The following SNTG2 variants were observed in gnomAD, a reference collection of about 807,000 sequenced individuals.
SNTG2 encodes the protein syntrophin gamma 2, also known as gamma-2-syntrophin.
Under a neutral mutation model 70.9 loss-of-function variants are expected in SNTG2, and 74 were observed. The ratio of observed to expected loss-of-function variants is 1.04; its 90% confidence interval spans 0.86 to 1.27. SNTG2 has a LOEUF of 1.27. Among genes scored for constraint, SNTG2 ranks in the 50% most tolerant of loss-of-function variants. The probability of loss-of-function intolerance (pLI) is 0.00; values close to 1 mark genes in which losing one functional copy is unlikely to be tolerated. For synonymous variants in SNTG2, 278 were observed against 273.8 expected (o/e 1.02, Z -0.15); for missense variants, 717 against 690.7 (o/e 1.04, Z -0.43).
At chr2:1,176,101 C>T (rs1671457290) in intron 8 of SNTG2, among the ~76,000 whole-genome samples, 1 of 152,152 alleles carries the variant, frequency 6.6e-6, no homozygotes, top group South Asian at 2.1e-4. Flanking sequence ...CCTCATCCTC[C>T]TTATCAGCAA....
chr2:1,366,440 G>T (rs1174666707), intron 16 of SNTG2, among the ~76,000 whole-genome samples: 1 of 152,162 alleles, frequency 6.6e-6, no homozygotes, highest in Non-Finnish European at 1.5e-5. Context: ...GACTTTATGT[G>T]GGGCAGTTTG....
chr2:1,114,004 T>G (rs1358240995), intron 4 of SNTG2, among the ~76,000 whole-genome samples: 1 of 151,516 alleles, frequency 6.6e-6, no homozygotes, highest in Non-Finnish European at 1.5e-5. Flanking sequence ...AAGTGAGGTT[T>G]AACTCTTACA....
At chr2:1,319,621 G>A (rs1199714524) in intron 16 of SNTG2, among the ~76,000 whole-genome samples, 1 of 152,220 alleles carries the variant, frequency 6.6e-6, no homozygotes, top group Non-Finnish European at 1.5e-5. Context: ...CCTGGGCTCT[G>A]TGCAGGCAAG....
At chr2:1,314,490 A>G (rs1367242763) in intron 15 of SNTG2, among the ~76,000 whole-genome samples, 1 of 152,246 alleles carries the variant, frequency 6.6e-6, no homozygotes, top group East Asian at 1.9e-4. Flanking sequence ...AGGCAGGTGC[A>G]GTGGGTGGAG....
intron 6 of SNTG2, among the ~76,000 whole-genome samples, 158 bp downstream of exon 6, chr2:1,137,967 A>T (rs993535294): frequency 6.6e-6 from 1 of 152,246 alleles, no homozygotes; most frequent in African/African-American, 2.4e-5. Context: ...AAAGGACCTT[A>T]ATAAACTGCC....
In SNTG2 at chr2:1,097,373, A is replaced by G. The variant is rs1364688185; in HGVS notation, c.211-823A>G. ...AGAGCCATTCAGCCTGAACATGCTC[A>G]TGTTTCCTCTTAGAACTCAAAGAAT... is the stretch of plus-strand genomic sequence containing the variant. On this transcript the variant is annotated intron_variant, in intron 2 of 16. Coordinates refer to ENST00000308624, the MANE Select transcript of SNTG2 (RefSeq NM_018968.4). The surrounding 1 kb of genome is among the most constrained non-coding windows in gnomAD (Gnocchi z 4.1). Among the ~76,000 whole-genome samples, 1 of 152,116 alleles carries G rather than the reference A, an allele frequency of 6.6e-6. No individual in the cohort carries two copies. Among genetic ancestry groups the G allele is most frequent in the Non-Finnish European group, 1.5e-5 (1 of 68,018 alleles).
intron 1 of SNTG2, among the ~76,000 whole-genome samples, chr2:1,003,584 C>T (rs1012183625): frequency 2.0e-5 from 3 of 152,190 alleles, no homozygotes; most frequent in African/African-American, 4.8e-5. Flanking sequence ...CACATTTGGA[C>T]AGGCTTCCTT....
At chr2:1,086,236 T>A (rs1459409150) in intron 2 of SNTG2, among the ~76,000 whole-genome samples, 1 of 152,132 alleles carries the variant, frequency 6.6e-6, no homozygotes, top group Non-Finnish European at 1.5e-5. Flanking sequence ...CGGAAACTGG[T>A]GTGAGGTGAT....
intron 2 of SNTG2, 137 bp from the exon 3 acceptor site, chr2:1,098,059 C>T (rs1048551345): frequency 1.2e-6 from 1 of 865,410 alleles, no homozygotes; most frequent in East Asian, 2.4e-5. Context: ...AGTGTCATTA[C>T]TGTCATATTT....
intron 14 of SNTG2, among the ~76,000 whole-genome samples, chr2:1,269,982 C>T (rs953961877): frequency 3.9e-5 from 6 of 152,080 alleles, no homozygotes; most frequent in African/African-American, 1.4e-4. Flanking sequence ...CCATGCTGCC[C>T]ATGACTGACT....
intron 4 of SNTG2, among the ~76,000 whole-genome samples, chr2:1,133,085 G>T (rs2148319206): frequency 6.6e-6 from 1 of 152,300 alleles, no homozygotes; most frequent in South Asian, 2.1e-4. Context: ...GTGGGGTGAT[G>T]ATTATGCCTT....
At chr2:1,325,868 C>G (rs1047353719) in intron 16 of SNTG2, among the ~76,000 whole-genome samples, 1 of 151,852 alleles carries the variant, frequency 6.6e-6, no homozygotes, top group Non-Finnish European at 1.5e-5. Flanking sequence ...GAGTCTCACT[C>G]TGTCACCCAG....
chr2:1,176,361 T>C (rs1671476231), intron 8 of SNTG2, among the ~76,000 whole-genome samples: 1 of 138,996 alleles, frequency 7.2e-6, no homozygotes, highest in Non-Finnish European at 1.6e-5. Context: ...TTAGGATTAA[T>C]ACCTGGGTAA....
At chr2:1,119,856 AAG>A (rs1398510119) in intron 4 of SNTG2, among the ~76,000 whole-genome samples, 1 of 152,202 alleles carries the variant, frequency 6.6e-6, no homozygotes, top group Non-Finnish European at 1.5e-5. Context: ...ATAAGAAAAT[AAG>A]AGAATGACTG....
rs1450904865 is a variant in SNTG2, at chr2:1,165,637, T to A, written c.499+2T>A. 1 of 1,609,820 alleles carries A rather than the reference T, an allele frequency of 6.2e-7. No individual in the cohort carries two copies. Among genetic ancestry groups the A allele is most frequent in the Non-Finnish European group, 8.5e-7 (1 of 1,178,302 alleles). ...CGGCATTTCTGAAGCTCCCGTTAGG[T>A]AAGTGGGAAGAGGAGAAATGCCAGG... On this transcript the variant is annotated splice_donor_variant, in intron 7 of 16. Coordinates refer to ENST00000308624, the MANE Select transcript of SNTG2 (RefSeq NM_018968.4). LOFTEE classifies it high-confidence loss of function.
intron 14 of SNTG2, among the ~76,000 whole-genome samples, chr2:1,269,969 G>A (rs961200354): frequency 3.3e-5 from 5 of 152,158 alleles, no homozygotes; most frequent in East Asian, 1.9e-4. Flanking sequence ...TTCTGGGGCC[G>A]TGCCATGCTG....
In SNTG2 at chr2:1,247,678, G is replaced by A. The variant is rs146811550; in HGVS notation, c.1005+235G>A. Reference sequence around the variant, plus strand: ...CAAATAGCCATTAAGATATTGTAGAGCTTATTCCTTCCTCAAATTCCAGCT... The same window carrying A: ...CAAATAGCCATTAAGATATTGTAGAACTTATTCCTTCCTCAAATTCCAGCT... On this transcript the variant is annotated intron_variant, in intron 12 of 16. Coordinates refer to ENST00000308624, the MANE Select transcript of SNTG2 (RefSeq NM_018968.4). Among the ~76,000 whole-genome samples, 332 of 152,270 alleles carry A rather than the reference G, an allele frequency of 2.2e-3. 5 individuals carry two copies. Among genetic ancestry groups the A allele is most frequent in the African/African-American group, 7.3e-3 (303 of 41,544 alleles).
At chr2:1,205,725 G>T (rs1339687324) in intron 8 of SNTG2, among the ~76,000 whole-genome samples, 1 of 152,112 alleles carries the variant, frequency 6.6e-6, no homozygotes, top group Non-Finnish European at 1.5e-5. Context: ...TTCGAAACAC[G>T]TGTGGCTTGC....
In SNTG2 at chr2:1,244,190, G is replaced by A. The variant is rs958256637; in HGVS notation, c.889-3137G>A. On this transcript the variant is annotated intron_variant, in intron 11 of 16. Transcript: ENST00000308624. ...TCTCATCAGAACTAGTATTTGTTTC[G>A]TGAATTTTAAAGACTCTCAGACCAC... Among the ~76,000 whole-genome samples the A allele has an allele frequency of 3.3e-5, 5 of 152,184 alleles. No individual in the cohort carries two copies. In the South Asian group the frequency reaches 6.2e-4, roughly 19 times the overall value.
Sources: allele counts gnomAD v4.1 joint callset (sites outside exome capture counted in the v4.1 genomes callset), GRCh38; gene constraint gnomAD v4.1.1; non-coding constraint Gnocchi (gnomAD v3.1); transcripts MANE v1.5; gene names NCBI Gene and HGNC (gene_info 2026-07-23, HGNC 2026-07-21).